The following TLK1 variants were observed in gnomAD, a reference collection of about 807,000 sequenced individuals.
The protein encoded by TLK1 is serine/threonine-protein kinase tousled-like 1.
TLK1 carries 24 observed loss-of-function variants against 105.3 expected under a neutral mutation model. That is an observed-to-expected ratio of 0.23 (90% CI 0.17 to 0.32). TLK1 has a LOEUF of 0.32. TLK1 is among the 10% of genes least tolerant of loss of function. TLK1 has a pLI of 1.00. For missense variants in TLK1, 558 were observed against 910.5 expected, an observed-to-expected ratio of 0.61 and a Z score of 4.98; for synonymous variants, 321 against 310.4, an observed-to-expected ratio of 1.03 and a Z score of -0.36.
chr2:171,130,262 C>T (rs189385372), intron 1 of TLK1, among the ~76,000 whole-genome samples: 11 of 152,208 alleles, frequency 7.2e-5, no homozygotes, highest in Non-Finnish European at 1.2e-4. Context: ...ATTAGCTGGG[C>T]GTGGTGGCAT....
chr2:171,129,828 CAAATA>C (rs756079931), intron 1 of TLK1, among the ~76,000 whole-genome samples: 55 of 104,422 alleles, frequency 5.3e-4, no homozygotes, highest in South Asian at 1.3e-3. Context: ...GATAGGTTAC[CAAATA>C]ACATAACATA....
At chr2:171,141,906 A>G (rs1691591349) in intron 1 of TLK1, among the ~76,000 whole-genome samples, 1 of 152,186 alleles carries the variant, frequency 6.6e-6, no homozygotes, top group Non-Finnish European at 1.5e-5. Flanking sequence ...GAGTATATAA[A>G]CAAATTTAAA....
At chr2:171,010,191 A>T (rs1270375183) in intron 14 of TLK1, among the ~76,000 whole-genome samples, 1 of 152,212 alleles carries the variant, frequency 6.6e-6, no homozygotes, top group Non-Finnish European at 1.5e-5. Flanking sequence ...AATGACATTA[A>T]TAATAGCAGG....
At chr2:171,037,395 C>T (rs1462518930) in intron 11 of TLK1, among the ~76,000 whole-genome samples, 1 of 147,518 alleles carries the variant, frequency 6.8e-6, no homozygotes, top group East Asian at 2.0e-4. Context: ...GAGCCAAGGT[C>T]GTGCCATTGT....
intron 3 of TLK1, chr2:171,081,593 A>G (rs774435234): frequency 1.5e-4 from 181 of 1,243,084 alleles, no homozygotes; most frequent in Non-Finnish European, 1.8e-4. Flanking sequence ...TTAATTTTTT[A>G]AAAACTAAAC....
chr2:171,082,201 G>A (rs867507679), intron 3 of TLK1, among the ~76,000 whole-genome samples: 2 of 151,474 alleles, frequency 1.3e-5, no homozygotes, highest in Admixed American at 6.6e-5. Flanking sequence ...TCATGCTCAG[G>A]GTAAATTATA....
At chr2:171,108,086 C>A (rs12611772) in intron 2 of TLK1, among the ~76,000 whole-genome samples, 142,568 of 145,634 alleles carry the variant, frequency 0.98, 69,758 homozygotes, top group Middle Eastern at 0.99. Context: ...ACAACAACAA[C>A]AAAAAAACAG....
intron 2 of TLK1, among the ~76,000 whole-genome samples, chr2:171,103,264 T>TTATTTATATATATATATATATATA (rs1553477347): frequency 5.1e-5 from 7 of 136,460 alleles, no homozygotes; most frequent in African/African-American, 2.2e-4. Flanking sequence ...GATCTCAAAT[T>TTATTTATATATATATATATATATA]TATATATATA....
At chr2:171,197,366 C>A (rs1035100518) in intron 1 of TLK1, among the ~76,000 whole-genome samples, 5 of 151,990 alleles carry the variant, frequency 3.3e-5, no homozygotes, top group Admixed American at 6.6e-5. Context: ...TACAAAAAAA[C>A]CCGAAAATAC....
intron 12 of TLK1, among the ~76,000 whole-genome samples, chr2:171,027,965 C>A (rs1411027278): frequency 2.0e-5 from 3 of 152,092 alleles, no homozygotes; most frequent in Non-Finnish European, 2.9e-5. Context: ...GAGTTTGAGA[C>A]CAGCCTGGTG....
intron 10 of TLK1, among the ~76,000 whole-genome samples, 163 bp downstream of exon 10, chr2:171,049,651 T>TA (rs1276157779): frequency 6.6e-6 from 1 of 152,192 alleles, no homozygotes; most frequent in Non-Finnish European, 1.5e-5. Flanking sequence ...ATTACTAAGC[T>TA]AAAACTGTAA....
chr2:170,994,021 G>A, intron 20 of TLK1, 65 bp from the exon 21 acceptor site: 5 of 1,470,506 alleles, frequency 3.4e-6, no homozygotes, highest in Non-Finnish European at 3.6e-6. Context: ...TCAATCAACT[G>A]AATCAGCAGA....
At position 171,007,932 on chromosome 2, in the gene TLK1, C is replaced by A. The variant is rs148953577; in HGVS notation, c.1417-869G>T. Among the ~76,000 whole-genome samples the A allele has an allele frequency of 2.0e-3, 309 of 152,178 alleles. 2 individuals are homozygous for A. Among genetic ancestry groups the A allele is most frequent in the African/African-American group, 7.2e-3 (301 of 41,544 alleles). ...AATGATCAGTATTTTAACAGCTTTA[C>A]ATGACTTATGTTTTTTTAAAAAGCA... On this transcript the variant is annotated intron_variant, in intron 14 of 20. Transcript: ENST00000431350.
intron 13 of TLK1, 21 bp downstream of exon 13, chr2:171,014,830 G>A (rs776708353): frequency 7.0e-6 from 11 of 1,560,382 alleles, no homozygotes. Context: ...ATGAAACTGT[G>A]AAATGCAAAT....
chr2:171,171,721 A>C (rs1230539341), intron 1 of TLK1, among the ~76,000 whole-genome samples: 6 of 152,212 alleles, frequency 3.9e-5, no homozygotes, highest in African/African-American at 1.4e-4. Flanking sequence ...AAATATCTTT[A>C]GTCAACAACA....
intron 1 of TLK1, among the ~76,000 whole-genome samples, chr2:171,142,886 G>A (rs1168798951): frequency 1.3e-5 from 2 of 152,102 alleles, no homozygotes; most frequent in African/African-American, 4.8e-5. Context: ...TAAGTCTTAG[G>A]GATTTAAATC....
intron 2 of TLK1, among the ~76,000 whole-genome samples, chr2:171,109,490 G>C (rs1035826): frequency 0.26 from 40,029 of 151,990 alleles, 5,532 homozygotes; most frequent in Middle Eastern, 0.36. Flanking sequence ...TAAACGAGCT[G>C]ATATTACTTC....
intron 4 of TLK1, among the ~76,000 whole-genome samples, chr2:171,060,507 G>C (rs1037205420): frequency 4.6e-5 from 7 of 152,082 alleles, no homozygotes; most frequent in African/African-American, 1.7e-4. Flanking sequence ...GTAACATTAT[G>C]TATAAAGTCA....
At chr2:171,173,428 C>T (rs1692764126) in intron 1 of TLK1, among the ~76,000 whole-genome samples, 1 of 152,002 alleles carries the variant, frequency 6.6e-6, no homozygotes, top group Non-Finnish European at 1.5e-5. Flanking sequence ...ACTCCTGTTG[C>T]CCAGGCTGTA....
Sources: gnomAD v4.1 joint callset for allele counts (sites outside exome capture counted in the v4.1 genomes callset) on GRCh38, gnomAD v4.1.1 for gene constraint, MANE v1.5 for transcripts, NCBI Gene and HGNC (gene_info 2026-07-23, HGNC 2026-07-21) for gene names.